The following DYNC2H1 variants were observed in gnomAD, a reference collection of about 807,000 sequenced individuals.
DYNC2H1 encodes dynein cytoplasmic 2 heavy chain 1.
A neutral mutation model predicts 570.0 loss-of-function variants in DYNC2H1; 410 were observed. The ratio of observed to expected loss-of-function variants is 0.72; its 90% confidence interval spans 0.66 to 0.78. The LOEUF (loss-of-function observed/expected upper bound fraction) is 0.78, where lower values mean the gene tolerates loss of function less well. DYNC2H1 is among the 30% of genes least tolerant of loss of function. The probability of loss-of-function intolerance (pLI) is 0.00; values close to 1 mark genes in which losing one functional copy is unlikely to be tolerated. For synonymous variants in DYNC2H1, 1,688 were observed against 1,677.6 expected (o/e 1.01, Z -0.15); for missense variants, 4,865 against 5,046.4 (o/e 0.96, Z 1.09).
intron 84 of DYNC2H1, among the ~76,000 whole-genome samples, chr11:103,423,638 A>T (rs540545645): frequency 6.6e-6 from 1 of 151,950 alleles, no homozygotes; most frequent in African/African-American, 2.4e-5. Context: ...AAAGACACTT[A>T]TAAAAATGAA....
chr11:103,472,780 T>C lies in DYNC2H1; in HGVS notation c.12765+4075T>C, dbSNP rs1189006031. Among the ~76,000 whole-genome samples the C allele has an allele frequency of 6.6e-6, 1 of 152,186 alleles. No individual in the cohort carries two copies. The highest frequency in any genetic ancestry group is 1.9e-4 in the East Asian group (1 of 5,204). On this transcript the variant is annotated intron_variant, in intron 88 of 88. Coordinates refer to ENST00000375735, the MANE Select transcript of DYNC2H1 (RefSeq NM_001377.3). This position sits in a 1 kb window ranked among gnomAD's most constrained non-coding sequence, Gnocchi z 4.1. ...TGGAGGTTTAAAAGATTATGTATTA[T>C]TATATGATAATAATAAAATTCAGAA...
At chr11:103,168,638 T>A in intron 31 of DYNC2H1, 117 bp from the exon 32 acceptor site, 9 of 1,074,638 alleles carry the variant, frequency 8.4e-6, no homozygotes, top group Non-Finnish European at 1.1e-5. Flanking sequence ...ACCATTCATA[T>A]GTGTCATGAA....
intron 54 of DYNC2H1, 109 bp from the exon 55 acceptor site, chr11:103,215,612 T>G (rs1160122298): frequency 9.0e-7 from 1 of 1,111,576 alleles, no homozygotes; most frequent in Non-Finnish European, 1.2e-6. Flanking sequence ...TACTGTTTTG[T>G]ATATACACAC....
intron 88 of DYNC2H1, among the ~76,000 whole-genome samples, chr11:103,475,231 T>TA (rs1408236772): frequency 6.6e-6 from 1 of 152,188 alleles, no homozygotes; most frequent in Non-Finnish European, 1.5e-5. Flanking sequence ...TGAATTACTG[T>TA]AATTGCACAA....
chr11:103,467,257 T>G (rs1224249380), intron 87 of DYNC2H1, among the ~76,000 whole-genome samples: 3 of 152,192 alleles, frequency 2.0e-5, no homozygotes, highest in Non-Finnish European at 4.4e-5. Flanking sequence ...ATTTAAGTAT[T>G]AAATAATTAT....
intron 66 of DYNC2H1, among the ~76,000 whole-genome samples, chr11:103,253,839 C>T (rs930985064): frequency 6.6e-6 from 1 of 151,954 alleles, no homozygotes; most frequent in Non-Finnish European, 1.5e-5. Flanking sequence ...GATTCCTGAG[C>T]CAGCATTTTT....
chr11:103,201,426 C>T lies in DYNC2H1; in HGVS notation c.8197+1272C>T, dbSNP rs1472726294. On this transcript the variant is annotated intron_variant, in intron 50 of 88. Transcript: ENST00000375735. The surrounding 1 kb of genome is among the most constrained non-coding windows in gnomAD (Gnocchi z 4.8). ...TTCCTCTGAGATATAACATGAAGCA[C>T]TGTCCATTTATATTCCTCAGCATTT... 1.3e-5 allele frequency among the ~76,000 whole-genome samples: 2 copies of T among 152,120 alleles called. No homozygotes were observed. The highest frequency in any genetic ancestry group is 2.9e-5 in the Non-Finnish European group (2 of 68,028).
At chr11:103,355,687 T>G (rs2135520050) in intron 82 of DYNC2H1, among the ~76,000 whole-genome samples, 1 of 152,274 alleles carries the variant, frequency 6.6e-6, no homozygotes, top group Middle Eastern at 3.4e-3. Context: ...CTACAATTTC[T>G]TCATTTTAAA....
chr11:103,430,871 C>T (rs1027085243), intron 84 of DYNC2H1, among the ~76,000 whole-genome samples: 5 of 152,134 alleles, frequency 3.3e-5, no homozygotes, highest in Non-Finnish European at 5.9e-5. Context: ...ACTCTACCTT[C>T]GTGTTCACAA....
At position 103,162,618 on chromosome 11, in the gene DYNC2H1, C is replaced by T. The variant is rs111653480; in HGVS notation, c.4492-410C>T. ...TATAAGATCATCAGGATGGCATGAGCCAGGAACTTAGCCAGCCATTTTGAC... is the reference window on the plus strand; with the variant it reads ...TATAAGATCATCAGGATGGCATGAGTCAGGAACTTAGCCAGCCATTTTGAC... On this transcript the variant is annotated intron_variant, in intron 29 of 88. Transcript: ENST00000375735. Among the ~76,000 whole-genome samples, 179 of 152,202 alleles carry T rather than the reference C, an allele frequency of 1.2e-3. 2 individuals carry two copies. The highest frequency in any genetic ancestry group is 4.0e-3 in the African/African-American group (167 of 41,536).
rs1859184816 is a variant in DYNC2H1, at chr11:103,129,845, AT to A, written c.1953+847del. 1.3e-5 allele frequency among the ~76,000 whole-genome samples: 2 copies of A among 152,062 alleles called. No homozygotes were observed. On this transcript the variant is annotated intron_variant, in intron 13 of 88. Transcript: ENST00000375735. The surrounding 1 kb of genome is among the most constrained non-coding windows in gnomAD (Gnocchi z 4.1). ...AAGCAGAAGAGGTATATACCATTTT[AT>A]TTTTTTCTATTTGAAAGTGGATAAC...
intron 84 of DYNC2H1, among the ~76,000 whole-genome samples, chr11:103,412,066 CTT>C (rs1016012175): frequency 7.9e-5 from 12 of 152,092 alleles, no homozygotes; most frequent in African/African-American, 2.9e-4. Flanking sequence ...CAGTAAAACA[CTT>C]TCTGACATTT....
At position 103,181,307 on chromosome 11, in the gene DYNC2H1, G is replaced by T. The variant is rs1202958979; in HGVS notation, c.6348-450G>T. Among the ~76,000 whole-genome samples the T allele has an allele frequency of 1.3e-5, 2 of 151,454 alleles. No homozygotes were observed. The highest frequency in any genetic ancestry group is 1.9e-4 in the East Asian group (1 of 5,176). On this transcript the variant is annotated intron_variant, in intron 39 of 88. Coordinates refer to ENST00000375735, the MANE Select transcript of DYNC2H1 (RefSeq NM_001377.3). The surrounding 1 kb of genome is among the most constrained non-coding windows in gnomAD (Gnocchi z 5.0). ...TCTAATGTGCATTTGAATCATCAAG[G>T]GGTCTTATTAAAATGAAGATTTTTG...
intron 55 of DYNC2H1, among the ~76,000 whole-genome samples, chr11:103,216,451 T>G (rs1185192044): frequency 6.6e-6 from 1 of 152,124 alleles, no homozygotes. Context: ...TGTTTTCAAA[T>G]TCATCTTTTT....
chr11:103,194,369 G>T (rs1045303826), intron 47 of DYNC2H1, among the ~76,000 whole-genome samples: 6 of 152,104 alleles, frequency 3.9e-5, no homozygotes, highest in African/African-American at 9.7e-5. Flanking sequence ...GAATGAAGCT[G>T]CTATGAATAC....
chr11:103,435,521 A>G (rs1428025944), intron 84 of DYNC2H1, among the ~76,000 whole-genome samples: 1 of 151,834 alleles, frequency 6.6e-6, no homozygotes, highest in Non-Finnish European at 1.5e-5. Context: ...TGTTTGTTTC[A>G]TATGTCTCCA....
At chr11:103,358,402 C>A in intron 83 of DYNC2H1, 43 bp downstream of exon 83, 1 of 1,321,064 alleles carries the variant, frequency 7.6e-7, no homozygotes, top group Non-Finnish European at 1.1e-6. Context: ...CTTTTTCTCC[C>A]GCATCGTAAC....
At chr11:103,222,246 G>A in intron 58 of DYNC2H1, 93 bp downstream of exon 58, 1 of 874,568 alleles carries the variant, frequency 1.1e-6, no homozygotes, top group Non-Finnish European at 1.6e-6. Context: ...CAACTGTTTA[G>A]ATCACCTAAA....
At chr11:103,223,367 AT>A (rs1006471360) in intron 59 of DYNC2H1, among the ~76,000 whole-genome samples, 2 of 151,730 alleles carry the variant, frequency 1.3e-5, no homozygotes, top group African/African-American at 4.8e-5. Flanking sequence ...TCATAAAGGA[AT>A]TTTTTTTGTT....
Sources: gnomAD v4.1 joint callset for allele counts (sites outside exome capture counted in the v4.1 genomes callset) on GRCh38, gnomAD v4.1.1 for gene constraint, Gnocchi (gnomAD v3.1) non-coding constraint, MANE v1.5 for transcripts, NCBI Gene and HGNC (gene_info 2026-07-23, HGNC 2026-07-21) for gene names.